Variants in CNTNAP4 observed in about 807,000 individuals in gnomAD.
CNTNAP4 encodes contactin associated protein family member 4, also known as contactin-associated protein-like 4.
Under a neutral mutation model 148.4 loss-of-function variants are expected in CNTNAP4, and 98 were observed. The ratio of observed to expected loss-of-function variants is 0.66; its 90% confidence interval spans 0.56 to 0.78. The LOEUF is 0.78. Ranked by LOEUF, CNTNAP4 falls within the 30% of genes least tolerant of loss-of-function variation. The pLI is 0.00. For synonymous variants in CNTNAP4, 730 were observed against 565.1 expected (o/e 1.29, Z -4.14); for missense variants, 1,935 against 1,565.6 (o/e 1.24, Z -3.98).
intron 12 of CNTNAP4, among the ~76,000 whole-genome samples, chr16:76,484,967 C>CA (rs201028480): frequency 0.014 from 2,090 of 152,034 alleles, 22 homozygotes; most frequent in Middle Eastern, 0.041. Flanking sequence ...CTAAAATCTA[C>CA]AAAAAAAATC....
At chr16:76,337,628 G>A (rs767671318) in intron 2 of CNTNAP4, among the ~76,000 whole-genome samples, 6 of 152,128 alleles carry the variant, frequency 3.9e-5, no homozygotes, top group Non-Finnish European at 8.8e-5. Context: ...AACAGGGTTC[G>A]AGAGCAGACA....
intron 13 of CNTNAP4, among the ~76,000 whole-genome samples, chr16:76,491,619 A>G (rs2082224785): frequency 6.6e-6 from 1 of 152,230 alleles, no homozygotes; most frequent in East Asian, 1.9e-4. Flanking sequence ...AAAAACAGAT[A>G]AGCAAATCTG....
chr16:76,334,392 C>G (rs1963838734), intron 2 of CNTNAP4, among the ~76,000 whole-genome samples: 1 of 152,074 alleles, frequency 6.6e-6, no homozygotes, highest in Non-Finnish European at 1.5e-5. Flanking sequence ...ATATAAAACT[C>G]TGCCTTATCT....
chr16:76,465,019 C>T (rs184975287), intron 9 of CNTNAP4, among the ~76,000 whole-genome samples: 1 of 152,302 alleles, frequency 6.6e-6, no homozygotes, highest in Admixed American at 6.5e-5. Flanking sequence ...ATACTGTGTG[C>T]AAAATTCTCA....
At chr16:76,516,550 C>G (rs144899635) in intron 15 of CNTNAP4, among the ~76,000 whole-genome samples, 1 of 152,202 alleles carries the variant, frequency 6.6e-6, no homozygotes, top group Non-Finnish European at 1.5e-5. Flanking sequence ...AGTGATTGTA[C>G]TCTTGGGCAT....
At position 76,489,628 on chromosome 16, in the gene CNTNAP4, T is replaced by C. The variant is rs540976125; in HGVS notation, c.1883-58T>C. The C allele has an allele frequency of 6.6e-4, 624 of 944,916 alleles. 1 individual carries two copies. The highest frequency in any genetic ancestry group is 8.7e-4 in the Non-Finnish European group (591 of 682,786). The allele number at this position is 944,916 out of a possible 1,614,324, so 58.5% of individuals were successfully genotyped here. A position where few individuals can be genotyped will look rare whatever the true frequency, so the allele number is the denominator to read the frequency against. ...TGATTTTGATTTTCTTTATTTATTT[T>C]AACTTTTGCAGACTAGTGATGGTCT... On this transcript the variant is annotated intron_variant, in intron 12 of 23. Transcript: ENST00000611870.
At chr16:76,534,636 C>T (rs2084136927) in intron 17 of CNTNAP4, among the ~76,000 whole-genome samples, 1 of 152,154 alleles carries the variant, frequency 6.6e-6, no homozygotes, top group South Asian at 2.1e-4. Context: ...GTCTAGTGAT[C>T]ATCTGAATTA....
intron 15 of CNTNAP4, among the ~76,000 whole-genome samples, chr16:76,511,111 C>A (rs745522725): frequency 6.6e-6 from 1 of 152,164 alleles, no homozygotes; most frequent in Non-Finnish European, 1.5e-5. Flanking sequence ...TGAATTTCTG[C>A]TCTCAGTCTC....
chr16:76,369,739 G>A (rs1329213972), intron 3 of CNTNAP4, among the ~76,000 whole-genome samples: 1 of 152,168 alleles, frequency 6.6e-6, no homozygotes, highest in African/African-American at 2.4e-5. Flanking sequence ...CTACTCAGGA[G>A]GCTGAGGCAG....
chr16:76,363,569 C>T (rs894977518), intron 3 of CNTNAP4, among the ~76,000 whole-genome samples: 1 of 152,020 alleles, frequency 6.6e-6, no homozygotes, highest in Admixed American at 6.6e-5. Context: ...AACAGCTTCA[C>T]GACATTGGTC....
rs982471290 is a variant in CNTNAP4, at chr16:76,283,163, A to C, written c.85+5416A>C. Reference sequence around the variant, plus strand: ...CATTACATGGCTTTGAGTTTTTAAAAATAGAATATCAGCTCTGCTCTACAA... The same window carrying C: ...CATTACATGGCTTTGAGTTTTTAAACATAGAATATCAGCTCTGCTCTACAA... On this transcript the variant is annotated intron_variant, in intron 1 of 23. Coordinates refer to ENST00000611870, the MANE Select transcript of CNTNAP4 (RefSeq NM_033401.5). Among the ~76,000 whole-genome samples the C allele has an allele frequency of 1.6e-4, 25 of 152,096 alleles. No individual in the cohort carries two copies. The Middle Eastern group carries it at 0.01, about 62-fold the overall frequency.
chr16:76,376,412 A>G (rs1407797980), intron 3 of CNTNAP4, among the ~76,000 whole-genome samples: 2 of 152,222 alleles, frequency 1.3e-5, no homozygotes, highest in African/African-American at 2.4e-5. Context: ...AGAGGATTCA[A>G]ATCACAGTTG....
At chr16:76,414,627 G>C (rs565899374) in intron 3 of CNTNAP4, among the ~76,000 whole-genome samples, 2 of 151,340 alleles carry the variant, frequency 1.3e-5, no homozygotes, top group African/African-American at 4.8e-5. Context: ...ATGTTTAGAA[G>C]AATTCACTAG....
At chr16:76,417,216 A>G (rs1333326009) in intron 3 of CNTNAP4, among the ~76,000 whole-genome samples, 3 of 151,422 alleles carry the variant, frequency 2.0e-5, no homozygotes, top group African/African-American at 4.8e-5. Flanking sequence ...GATTATTGAT[A>G]TATTTGAATT....
intron 10 of CNTNAP4, among the ~76,000 whole-genome samples, chr16:76,470,376 C>G (rs958959281): frequency 6.6e-6 from 1 of 150,940 alleles, no homozygotes; most frequent in Non-Finnish European, 1.5e-5. Context: ...CACGGTGACT[C>G]ACACCTGTAA....
intron 18 of CNTNAP4, 33 bp from the exon 19 acceptor site, chr16:76,538,083 T>G: frequency 9.8e-7 from 1 of 1,015,968 alleles, no homozygotes; most frequent in Non-Finnish European, 1.3e-6. Context: ...TACTTAAAAT[T>G]TTTAACAAAA....
chr16:76,283,352 A>T (rs1958761481), intron 1 of CNTNAP4, among the ~76,000 whole-genome samples: 1 of 152,036 alleles, frequency 6.6e-6, no homozygotes, highest in Admixed American at 6.6e-5. Flanking sequence ...ATAAAGACAC[A>T]TGCACATGTA....
chr16:76,471,430 G>A (rs1035551240), intron 10 of CNTNAP4, among the ~76,000 whole-genome samples: 1 of 152,204 alleles, frequency 6.6e-6, no homozygotes, highest in Non-Finnish European at 1.5e-5. Context: ...CTAAGAGGCT[G>A]TTGAGTGACA....
intron 15 of CNTNAP4, among the ~76,000 whole-genome samples, chr16:76,514,858 T>A (rs908271113): frequency 1.3e-5 from 2 of 152,360 alleles, no homozygotes; most frequent in Admixed American, 1.3e-4. Context: ...TGTTAAAATC[T>A]ATATTTTTCA....
Sources: gnomAD v4.1 joint callset for allele counts (sites outside exome capture counted in the v4.1 genomes callset) on GRCh38, gnomAD v4.1.1 for gene constraint, MANE v1.5 for transcripts, NCBI Gene and HGNC (gene_info 2026-07-23, HGNC 2026-07-21) for gene names.